TPP2: variants seen among roughly 807,000 people sequenced by gnomAD.
TPP2 encodes the protein tripeptidyl peptidase 2.
In TPP2, 34 loss-of-function variants were observed where a neutral mutation model predicts 155.9. The ratio of observed to expected loss-of-function variants is 0.22; its 90% CI spans 0.17 to 0.29. The LOEUF (loss-of-function observed/expected upper bound fraction) is 0.29. Among genes scored for constraint, TPP2 ranks in the 10% least tolerant of loss-of-function variants. TPP2 has a pLI of 1.00. For synonymous variants in TPP2, 510 were observed against 529.4 expected (o/e 0.96, Z 0.50); for missense variants, 1,028 against 1,522.3 (o/e 0.68, Z 5.40).
intron 8 of TPP2, among the ~76,000 whole-genome samples, chr13:102,629,002 T>G (rs1454586390): frequency 1.3e-5 from 2 of 152,302 alleles, no homozygotes; most frequent in East Asian, 3.9e-4. Flanking sequence ...GTCAGTATAT[T>G]TTTCTTGTTT....
At chr13:102,609,967 A>G (rs114588512) in intron 2 of TPP2, among the ~76,000 whole-genome samples, 5 of 152,046 alleles carry the variant, frequency 3.3e-5, no homozygotes, top group Admixed American at 1.3e-4. Flanking sequence ...CTCTTATACA[A>G]ATTTTCCGCC....
At chr13:102,645,071 T>A in intron 19 of TPP2, 62 bp downstream of exon 19, 1 of 1,457,718 alleles carries the variant, frequency 6.9e-7, no homozygotes, top group Non-Finnish European at 9.3e-7. Context: ...TCTCTTACAC[T>A]CTTAAAAAAG....
rs764209898 is a variant in TPP2 at position 102,636,174 on chromosome 13, A to T, written c.1510-50A>T. The T allele has an allele frequency of 6.0e-6, 9 of 1,502,712 alleles. No homozygotes were observed. The South Asian group carries it at 1.2e-4, about 20-fold the overall frequency. 93.1% of individuals were successfully genotyped at this position (1,502,712 alleles called of 1,614,324 possible). ...ATTGATTGGTAATTTGCAACAAAATATTTTTTGACCCAACCATTTATATCT... is the reference window on the plus strand; with the variant it reads ...ATTGATTGGTAATTTGCAACAAAATTTTTTTTGACCCAACCATTTATATCT... On this transcript the variant is annotated intron_variant, in intron 12 of 29. Transcript: ENST00000376052.
intron 2 of TPP2, 28 bp from the exon 3 acceptor site, chr13:102,614,073 G>T: frequency 6.3e-7 from 1 of 1,596,842 alleles, no homozygotes; most frequent in South Asian, 1.1e-5. Flanking sequence ...TTTAGTGAAT[G>T]AACAGGTTAC....
In TPP2 at chr13:102,601,710, C is replaced by T. The variant is rs1034499397; in HGVS notation, c.166-3083C>T. Among the ~76,000 whole-genome samples the T allele has an allele frequency of 2.6e-5, 4 of 152,192 alleles. No homozygotes were observed. In the South Asian group the frequency reaches 8.3e-4, roughly 32 times the overall value. The stretch of plus-strand genomic sequence containing the variant: ...TCCATTGTTAGCAGTTCAGCTTCCT[C>T]CTTTCCTTTACTTCTCCCAAAACAC... On this transcript the variant is annotated intron_variant, in intron 1 of 29. Transcript: ENST00000376052.
At chr13:102,606,632 A>T (rs1879852045) in intron 2 of TPP2, among the ~76,000 whole-genome samples, 1 of 152,230 alleles carries the variant, frequency 6.6e-6, no homozygotes, top group Non-Finnish European at 1.5e-5. Flanking sequence ...GCTGAGAATC[A>T]TGTCACTTTT....
At chr13:102,617,851 C>T (rs1880866399) in intron 4 of TPP2, among the ~76,000 whole-genome samples, 1 of 152,148 alleles carries the variant, frequency 6.6e-6, no homozygotes, top group Non-Finnish European at 1.5e-5. Flanking sequence ...GTAACTGAAC[C>T]AGGAAGGCCA....
rs188930679 is a variant in TPP2 at position 102,668,530 on chromosome 13, T to C, written c.3371+3605T>C. On this transcript the variant is annotated intron_variant, in intron 27 of 29. Transcript: ENST00000376052. ...ATTCTTTTCCAATCAAGGAGTGACA[T>C]GTAGTGTTTCTTGGCACCTCAGTCC... 2.0e-5 allele frequency among the ~76,000 whole-genome samples: 3 copies of C among 152,254 alleles called. No homozygotes were observed. The East Asian group carries it at 5.8e-4, about 29-fold the overall frequency.
intron 16 of TPP2, among the ~76,000 whole-genome samples, chr13:102,640,640 A>ATT: frequency 7.7e-6 from 1 of 129,534 alleles, no homozygotes; most frequent in Non-Finnish European, 1.6e-5. Flanking sequence ...ACCTGGTAAT[A>ATT]ATTTTTTTTT....
At chr13:102,641,883 T>C (rs965620623) in intron 16 of TPP2, among the ~76,000 whole-genome samples, 11 of 152,242 alleles carry the variant, frequency 7.2e-5, no homozygotes, top group Non-Finnish European at 1.3e-4. Flanking sequence ...CCAGGCCCTT[T>C]TCAGTGGGCT....
chr13:102,609,311 G>GT (rs71125080), intron 2 of TPP2, among the ~76,000 whole-genome samples: 137,292 of 151,328 alleles, frequency 0.91, 62,546 homozygotes, highest in African/African-American at 0.98. Context: ...TACAATCATG[G>GT]GGAAGGTGAA....
At chr13:102,605,541 C>CT (rs1879755086) in intron 2 of TPP2, among the ~76,000 whole-genome samples, 1 of 152,096 alleles carries the variant, frequency 6.6e-6, no homozygotes, top group Non-Finnish European at 1.5e-5. Flanking sequence ...TTTCAGTGAG[C>CT]TTGCCAAATT....
intron 15 of TPP2, among the ~76,000 whole-genome samples, chr13:102,639,717 C>G (rs1882629961): frequency 6.6e-6 from 1 of 152,340 alleles, no homozygotes; most frequent in Admixed American, 6.5e-5. Context: ...AAGAATTTGT[C>G]TCTAGCATAA....
At chr13:102,606,976 G>T (rs1333596080) in intron 2 of TPP2, among the ~76,000 whole-genome samples, 1 of 152,132 alleles carries the variant, frequency 6.6e-6, no homozygotes, top group African/African-American at 2.4e-5. Context: ...ATGAGTATGT[G>T]TCCCCTCAGG....
At chr13:102,625,484 C>G (rs964549557) in intron 6 of TPP2, among the ~76,000 whole-genome samples, 44 of 152,100 alleles carry the variant, frequency 2.9e-4, no homozygotes, top group African/African-American at 1.0e-3. Flanking sequence ...AATATTCAAG[C>G]TGTTACCTAA....
chr13:102,652,224 A>C (rs1883542147), intron 24 of TPP2, among the ~76,000 whole-genome samples: 1 of 151,862 alleles, frequency 6.6e-6, no homozygotes, highest in Admixed American at 6.6e-5. Flanking sequence ...AAAAAATGCA[A>C]AAATTAGCCA....
intron 6 of TPP2, among the ~76,000 whole-genome samples, chr13:102,625,347 G>C (rs1377095203): frequency 2.7e-5 from 4 of 150,618 alleles, no homozygotes; most frequent in Non-Finnish European, 5.9e-5. Flanking sequence ...TGTATTTTTA[G>C]TAGAGACGGG....
In TPP2 at chr13:102,627,090, G is replaced by C; in HGVS notation, c.863G>C (p.Gly288Ala). The change falls in exon 7 of 30, where the codon GGT becomes GCT. Residue 288 changes from glycine to alanine, a missense_variant. Transcript: ENST00000376052. ...CCTGAACGGAATGGGGTAGCTCCTG[G>C]TGCTCAAATTCTTTCCATCAAGATT... ...EEPERNGVAP[G>A]AQILSIKIGD... 4 of 1,600,686 alleles carry C rather than the reference G, an allele frequency of 2.5e-6. No individual in the cohort carries two copies. The highest frequency in any genetic ancestry group is 3.4e-6 in the Non-Finnish European group (4 of 1,173,544).
chr13:102,637,990 A>T (rs956301059), intron 14 of TPP2, among the ~76,000 whole-genome samples: 1 of 152,238 alleles, frequency 6.6e-6, no homozygotes, highest in Non-Finnish European at 1.5e-5. Flanking sequence ...TTCAGTTGGG[A>T]GTAATTAAAA....
Sources: gnomAD v4.1 joint callset for allele counts (sites outside exome capture counted in the v4.1 genomes callset) on GRCh38, gnomAD v4.1.1 for gene constraint, MANE v1.5 for transcripts, NCBI Gene and HGNC (gene_info 2026-07-23, HGNC 2026-07-21) for gene names.